FGF13: variants seen among roughly 807,000 people sequenced by gnomAD.
The protein encoded by FGF13 is fibroblast growth factor 13, also known as fibroblast growth factor homologous factor 2.
In FGF13, 2 loss-of-function variants were observed where a neutral mutation model predicts 19.5. That is an observed-to-expected ratio of 0.10 (90% CI 0.04 to 0.32). FGF13 has a LOEUF of 0.32. Ranked by LOEUF, FGF13 falls within the 10% of genes least tolerant of loss-of-function variation. The probability of loss-of-function intolerance (pLI) is 1.00; values close to 1 mark genes in which losing one functional copy is unlikely to be tolerated. For synonymous variants in FGF13, 72 were observed against 76.9 expected, an observed-to-expected ratio of 0.94 and a Z score of 0.33; for missense variants, 113 against 192.7, an observed-to-expected ratio of 0.59 and a Z score of 2.45.
At chrX:138,896,841 C>T (rs1478772561) in intron 1 of FGF13, among the ~76,000 whole-genome samples, 1 of 111,925 alleles carries the variant, frequency 8.9e-6, no homozygotes, top group Non-Finnish European at 1.9e-5. Context: ...CCCTACCTAT[C>T]CCTCAGGACA....
At chrX:138,963,018 A>C (rs570398768) in intron 1 of FGF13, among the ~76,000 whole-genome samples, 2 of 112,261 alleles carry the variant, frequency 1.8e-5, no homozygotes, top group African/African-American at 6.5e-5. Flanking sequence ...GAAAAAAAAA[A>C]GTGCAGCCAT....
upstream of FGF13, among the ~76,000 whole-genome samples, chrX:138,743,972 C>T (rs977092176): frequency 1.8e-5 from 2 of 110,502 alleles, no homozygotes; most frequent in Non-Finnish European, 3.8e-5. Flanking sequence ...TTTTGTGTTC[C>T]TCCTCCTCCT....
intron 1 of FGF13, among the ~76,000 whole-genome samples, chrX:139,001,448 G>A (rs1006133417): frequency 4.5e-5 from 5 of 110,412 alleles, no homozygotes; most frequent in African/African-American, 1.7e-4. Flanking sequence ...CTGACAAAGG[G>A]CTAATATCCA....
chrX:138,791,313 T>C (rs1290861603), intron 3 of FGF13, among the ~76,000 whole-genome samples: 3 of 112,045 alleles, frequency 2.7e-5, no homozygotes, highest in Non-Finnish European at 5.6e-5. Flanking sequence ...CCTTCATAAG[T>C]ACCAACTGAT....
chrX:139,100,684 G>A (rs1329166676), intron 1 of FGF13, among the ~76,000 whole-genome samples: 1 of 111,773 alleles, frequency 8.9e-6, no homozygotes, highest in Non-Finnish European at 1.9e-5. Flanking sequence ...GCCAAGAAAG[G>A]TGAAAAGCTT....
chrX:138,695,376 T>C lies in FGF13; in HGVS notation c.402+7608A>G, dbSNP rs1483128635. On this transcript the variant is annotated intron_variant, in intron 3 of 4. Coordinates refer to ENST00000315930, the MANE Select transcript of FGF13 (RefSeq NM_004114.5). ...GACATGCCAATGCTGTAACTGACCC[T>C]AGACTGGATTCTCTACGGAAGGAAA... Among the ~76,000 whole-genome samples, 11 of 111,950 alleles carry C rather than the reference T, an allele frequency of 9.8e-5. No individual in the cohort carries two copies. In the Admixed American group the frequency reaches 1.0e-3, roughly 11 times the overall value.
intron 3 of FGF13, among the ~76,000 whole-genome samples, chrX:138,838,332 G>C (rs2091126705): frequency 2.7e-5 from 3 of 111,755 alleles, no homozygotes; most frequent in Non-Finnish European, 5.6e-5. Flanking sequence ...CTGAAATGCT[G>C]GCGTATCTAA....
chrX:138,632,954 G>T lies in FGF13; in HGVS notation c.634C>A (p.Leu212Ile). The change falls in exon 5 of 5, where the codon CTC becomes ATC. Residue 212 changes from leucine to isoleucine, a missense_variant. Transcript: ENST00000315930. The stretch of plus-strand genomic sequence containing the variant: ...CTTCCAGATCGGGAGAACTCCGTGA[G>T]ATCGTGCAGTGATGGCTCCTTGTAC... ...AMYKEPSLHDLTEFSRSGSGT... is the reference protein window; with the variant it reads ...AMYKEPSLHDITEFSRSGSGT... The T allele has an allele frequency of 8.3e-7, 1 of 1,210,594 alleles. No homozygotes were observed. The highest frequency in any genetic ancestry group is 1.1e-6 in the Non-Finnish European group (1 of 894,927).
chrX:139,055,614 A>T (rs1026842565), intron 1 of FGF13, among the ~76,000 whole-genome samples: 3 of 112,580 alleles, frequency 2.7e-5, no homozygotes, highest in Non-Finnish European at 5.6e-5. Flanking sequence ...GGCATGAATA[A>T]GATGATTTTT....
intron 1 of FGF13, among the ~76,000 whole-genome samples, chrX:138,726,564 T>C (rs1234917214): frequency 8.9e-6 from 1 of 111,936 alleles, no homozygotes; most frequent in Non-Finnish European, 1.9e-5. Flanking sequence ...TTGATGTACA[T>C]ACACTATTAA....
chrX:138,827,543 G>T (rs191189547), intron 3 of FGF13, among the ~76,000 whole-genome samples: 105 of 111,615 alleles, frequency 9.4e-4, no homozygotes, highest in African/African-American at 3.3e-3. Context: ...AAATGCTGCT[G>T]TAAAGGCAAT....
chrX:138,837,540 G>A (rs779403983), intron 3 of FGF13, among the ~76,000 whole-genome samples: 5 of 112,337 alleles, frequency 4.5e-5, no homozygotes, highest in Non-Finnish European at 7.5e-5. Flanking sequence ...AGGCTAAGTT[G>A]TTTAAACAGC....
chrX:138,790,144 G>C (rs1180940863), intron 3 of FGF13, among the ~76,000 whole-genome samples: 1 of 104,142 alleles, frequency 9.6e-6, no homozygotes, highest in Non-Finnish European at 2.0e-5. Flanking sequence ...CAGTCTTGGA[G>C]GCTGGACGTC....
chrX:138,897,458 A>G (rs2124204316), intron 1 of FGF13, among the ~76,000 whole-genome samples: 1 of 111,638 alleles, frequency 9.0e-6, no homozygotes, highest in South Asian at 3.8e-4. Context: ...GTTGATCACT[A>G]ACTGCTATGA....
chrX:138,898,404 G>T (rs941338920), intron 1 of FGF13, among the ~76,000 whole-genome samples: 1 of 111,950 alleles, frequency 8.9e-6, no homozygotes, highest in African/African-American at 3.3e-5. Flanking sequence ...CTAAGTAGAC[G>T]CTTGGTATAT....
At position 138,882,403 on chromosome X, in the gene FGF13, C is replaced by T. The variant is rs191459787; in HGVS notation, c.-112-17753G>A. 1.6e-3 allele frequency among the ~76,000 whole-genome samples: 179 copies of T among 111,758 alleles called. 1 individual carries two copies. The highest frequency in any genetic ancestry group is 4.3e-3 in the African/African-American group (131 of 30,814). On this transcript the variant is annotated intron_variant, in intron 1 of 2. Coordinates refer to the FGF13 transcript ENST00000421460. ...ATGCCTGTTAGGTCTAGTTGATGTA[C>T]AGCGTGATTCTATTTAACAGTCATT...
At chrX:139,195,835 G>C (rs1436573711) in intron 1 of FGF13, among the ~76,000 whole-genome samples, 1 of 112,602 alleles carries the variant, frequency 8.9e-6, no homozygotes, top group Non-Finnish European at 1.9e-5. Context: ...AATAAAGCTT[G>C]CACTTTTTTA....
At chrX:138,979,344 C>T (rs895318992) in intron 1 of FGF13, among the ~76,000 whole-genome samples, 2 of 110,658 alleles carry the variant, frequency 1.8e-5, no homozygotes, top group South Asian at 3.9e-4. Flanking sequence ...ATTCTTTTTT[C>T]GAGGTATCAG....
At chrX:138,910,404 T>C (rs996216922) in intron 1 of FGF13, among the ~76,000 whole-genome samples, 5 of 110,960 alleles carry the variant, frequency 4.5e-5, no homozygotes, top group African/African-American at 1.6e-4. Flanking sequence ...CCCAAGCAGA[T>C]AGGGCAAAAC....
Sources: gnomAD v4.1 joint callset for allele counts (sites outside exome capture counted in the v4.1 genomes callset) on GRCh38, gnomAD v4.1.1 for gene constraint, MANE v1.5 for transcripts, NCBI Gene and HGNC (gene_info 2026-07-23, HGNC 2026-07-21) for gene names.